Variants in IQCM observed in about 807,000 individuals in gnomAD.
IQCM encodes the protein IQ domain-containing protein M.
IQCM carries 45 observed loss-of-function variants against 57.6 expected under a neutral mutation model. That is an observed-to-expected ratio of 0.78 (90% CI 0.62 to 1.00). IQCM has a LOEUF of 1.00. IQCM is among the 50% of genes least tolerant of loss of function. The pLI is 0.00. For synonymous variants in IQCM, 148 were observed against 158.9 expected (o/e 0.93, Z 0.51); for missense variants, 468 against 511.6 (o/e 0.91, Z 0.82).
Position 149,541,202 on chromosome 4 carries a change from G to A in IQCM, c.1228+7253C>T, listed in dbSNP as rs1015505858. Among the ~76,000 whole-genome samples, 6 of 152,244 alleles carry A rather than the reference G, an allele frequency of 3.9e-5. No individual in the cohort carries two copies. The East Asian group carries it at 9.6e-4, about 24-fold the overall frequency. ...TTTGTGGTGGACAAAGCTGTGGTCT[G>A]AGGAACAGGAGGCTCAGGAAATAGT... On this transcript the variant is annotated intron_variant, in intron 12 of 13. Transcript: ENST00000636793.
At chr4:149,407,165 C>G (rs1305206645) in intron 13 of IQCM, among the ~76,000 whole-genome samples, 3 of 151,962 alleles carry the variant, frequency 2.0e-5, no homozygotes, top group Non-Finnish European at 4.4e-5. Context: ...TTCAATTATC[C>G]CCCCCCAGGT....
chr4:149,425,584 C>A (rs953475523), intron 13 of IQCM, among the ~76,000 whole-genome samples: 1 of 151,920 alleles, frequency 6.6e-6, no homozygotes, highest in African/African-American at 2.4e-5. Context: ...CCTTCCTCCA[C>A]CTTTTTTTCT....
chr4:149,778,293 G>A (rs548044692), intron 2 of IQCM, among the ~76,000 whole-genome samples: 1 of 152,050 alleles, frequency 6.6e-6, no homozygotes, highest in East Asian at 1.9e-4. Context: ...GGAGAATGGC[G>A]TGAACCTGGG....
intron 13 of IQCM, among the ~76,000 whole-genome samples, chr4:149,387,019 A>G (rs1413514753): frequency 6.6e-6 from 1 of 152,062 alleles, no homozygotes; most frequent in Non-Finnish European, 1.5e-5. Flanking sequence ...GCTAAAATAG[A>G]TATGGATTCG....
At position 149,482,512 on chromosome 4, in the gene IQCM, C is replaced by A. The variant is rs564428181; in HGVS notation, c.1229-48955G>T. 5.9e-5 allele frequency among the ~76,000 whole-genome samples: 9 copies of A among 151,818 alleles called. No homozygotes were observed. The East Asian group carries it at 1.7e-3, about 29-fold the overall frequency. On this transcript the variant is annotated intron_variant, in intron 12 of 13. Coordinates refer to ENST00000636793, the MANE Select transcript of IQCM (RefSeq NM_001363507.2). ...AAGGGATGTTGAATTTTATGAAATTCTTTTTTAGAATCAATTGAAATGGTC... is the reference window on the plus strand; with the variant it reads ...AAGGGATGTTGAATTTTATGAAATTATTTTTTAGAATCAATTGAAATGGTC...
At chr4:149,637,741 A>C (rs1757849812) in intron 7 of IQCM, among the ~76,000 whole-genome samples, 1 of 152,202 alleles carries the variant, frequency 6.6e-6, no homozygotes, top group Admixed American at 6.5e-5. Context: ...AATATCAAAG[A>C]CAAAGGTACC....
intron 8 of IQCM, among the ~76,000 whole-genome samples, chr4:149,616,362 T>A: frequency 6.6e-6 from 1 of 152,136 alleles, no homozygotes; most frequent in East Asian, 1.9e-4. Flanking sequence ...TACGATTCTG[T>A]TTATGAGACA....
At chr4:149,761,750 T>C (rs1007806775) in intron 2 of IQCM, among the ~76,000 whole-genome samples, 10 of 152,118 alleles carry the variant, frequency 6.6e-5, no homozygotes, top group African/African-American at 2.4e-4. Context: ...ACAATTGATA[T>C]AGCAATAAAT....
intron 5 of IQCM, among the ~76,000 whole-genome samples, chr4:149,726,140 A>AG (rs1554030487): frequency 1.5e-5 from 2 of 130,738 alleles, no homozygotes. Context: ...AGAAAGAAAG[A>AG]AAAGAAAGAA....
At chr4:149,711,589 G>T (rs1764562935) in intron 5 of IQCM, among the ~76,000 whole-genome samples, 1 of 152,094 alleles carries the variant, frequency 6.6e-6, no homozygotes, top group African/African-American at 2.4e-5. Flanking sequence ...CTATAAATTG[G>T]CTTTCAATAA....
At chr4:149,414,803 C>T (rs570235548) in intron 13 of IQCM, among the ~76,000 whole-genome samples, 73 of 151,774 alleles carry the variant, frequency 4.8e-4, no homozygotes, top group Non-Finnish European at 1.6e-4. Context: ...ATAGAATAAT[C>T]GGAAGTCTCA....
intron 12 of IQCM, among the ~76,000 whole-genome samples, chr4:149,513,431 G>A (rs1302220014): frequency 6.6e-6 from 1 of 151,260 alleles, no homozygotes; most frequent in African/African-American, 2.5e-5. Flanking sequence ...TGAAAAAAAA[G>A]AAAAGAAGGA....
At chr4:149,673,349 T>A (rs4026078) in intron 7 of IQCM, among the ~76,000 whole-genome samples, 1 of 151,284 alleles carries the variant, frequency 6.6e-6, no homozygotes, top group African/African-American at 2.4e-5. Context: ...AGAGTCAAGA[T>A]CCATCAGTGT....
intron 2 of IQCM, among the ~76,000 whole-genome samples, chr4:149,758,959 C>T (rs1252086905): frequency 6.7e-6 from 1 of 150,078 alleles, no homozygotes; most frequent in Non-Finnish European, 1.5e-5. Context: ...AGTATTTCCT[C>T]AAAGAGTTTA....
At chr4:149,451,494 A>C (rs1024480455) in intron 12 of IQCM, among the ~76,000 whole-genome samples, 4 of 151,678 alleles carry the variant, frequency 2.6e-5, no homozygotes, top group African/African-American at 9.7e-5. Context: ...TTAAATAAAA[A>C]ATTCCTTTAA....
intron 7 of IQCM, among the ~76,000 whole-genome samples, chr4:149,661,382 C>T (rs1760194553): frequency 1.3e-5 from 2 of 152,186 alleles, no homozygotes; most frequent in South Asian, 2.1e-4. Context: ...AGAATGTTTG[C>T]ATCTATGTTC....
chr4:149,358,716 CA>C (rs1173915597), intron 13 of IQCM, among the ~76,000 whole-genome samples: 1 of 151,896 alleles, frequency 6.6e-6, no homozygotes, highest in Non-Finnish European at 1.5e-5. Context: ...AAGCCAAAAA[CA>C]AGTGAAATCA....
intron 2 of IQCM, among the ~76,000 whole-genome samples, chr4:149,761,951 T>C (rs1769561366): frequency 6.6e-6 from 1 of 152,026 alleles, no homozygotes; most frequent in South Asian, 2.1e-4. Context: ...AGTTATATGA[T>C]ACACAAAGTA....
chr4:149,457,473 T>C (rs1737821953), intron 12 of IQCM, among the ~76,000 whole-genome samples: 1 of 152,040 alleles, frequency 6.6e-6, no homozygotes, highest in South Asian at 2.1e-4. Flanking sequence ...TAGCAAAGGG[T>C]CATTCATCTG....
Sources: allele counts gnomAD v4.1 joint callset (sites outside exome capture counted in the v4.1 genomes callset), GRCh38; gene constraint gnomAD v4.1.1; transcripts MANE v1.5; gene names NCBI Gene and HGNC (gene_info 2026-07-23, HGNC 2026-07-21).